Variants in KIF16B observed in about 807,000 individuals in gnomAD.
The protein encoded by KIF16B is kinesin-like protein KIF16B.
A neutral mutation model predicts 156.3 loss-of-function variants in KIF16B; 98 were observed. That is an observed-to-expected ratio of 0.63 (90% CI 0.53 to 0.74). The LOEUF (loss-of-function observed/expected upper bound fraction) is 0.74. Ranked by LOEUF, KIF16B falls within the 30% of genes least tolerant of loss-of-function variation. The pLI is 0.00. For missense variants in KIF16B, 1,421 were observed against 1,606.5 expected (o/e 0.88, Z 1.97); for synonymous variants, 564 against 583.7 (o/e 0.97, Z 0.49).
chr20:16,568,310 T>C (rs1422447207), intron 1 of KIF16B, among the ~76,000 whole-genome samples: 1 of 152,124 alleles, frequency 6.6e-6, no homozygotes, highest in African/African-American at 2.4e-5. Context: ...TTATACAACA[T>C]AGCTATAAAG....
chr20:16,374,928 T>G (rs2064910388), intron 19 of KIF16B, among the ~76,000 whole-genome samples: 1 of 152,102 alleles, frequency 6.6e-6, no homozygotes, highest in Admixed American at 6.5e-5. Flanking sequence ...ATTATCTAAG[T>G]GCAGAAAGCA....
At chr20:16,482,372 C>T (rs539084652) in intron 12 of KIF16B, among the ~76,000 whole-genome samples, 5 of 152,024 alleles carry the variant, frequency 3.3e-5, no homozygotes, top group Admixed American at 6.5e-5. Flanking sequence ...GTGATACAAA[C>T]GGAGGGCAAG....
intron 1 of KIF16B, among the ~76,000 whole-genome samples, chr20:16,547,353 T>C (rs1318700998): frequency 6.6e-6 from 1 of 152,126 alleles, no homozygotes; most frequent in East Asian, 1.9e-4. Flanking sequence ...TGGCCCACAA[T>C]CACCCCACAT....
chr20:16,276,736 C>G (rs986486821), intron 25 of KIF16B, among the ~76,000 whole-genome samples: 3 of 152,176 alleles, frequency 2.0e-5, no homozygotes, highest in Non-Finnish European at 4.4e-5. Context: ...CAAGACAGAA[C>G]TAGAATTCTA....
chr20:16,330,539 T>C (rs946890420), intron 24 of KIF16B, among the ~76,000 whole-genome samples: 3 of 152,178 alleles, frequency 2.0e-5, no homozygotes, highest in Admixed American at 6.5e-5. Context: ...AGAAGACATA[T>C]AGGTATGTTC....
intron 17 of KIF16B, among the ~76,000 whole-genome samples, chr20:16,394,679 T>A (rs910930530): frequency 6.6e-6 from 1 of 151,480 alleles, no homozygotes; most frequent in African/African-American, 2.4e-5. Context: ...ACCAGCAACA[T>A]AAATACTGCC....
chr20:16,477,336 TA>T (rs1216207271), intron 12 of KIF16B, among the ~76,000 whole-genome samples: 5 of 148,502 alleles, frequency 3.4e-5, no homozygotes, highest in Admixed American at 6.8e-5. Context: ...TTGCTTTAGT[TA>T]TTTAAGCCAC....
At chr20:16,528,256 C>T (rs1008410750) in intron 2 of KIF16B, 115 bp downstream of exon 2, 15 of 755,162 alleles carry the variant, frequency 2.0e-5, no homozygotes, top group Admixed American at 1.6e-4. Flanking sequence ...TGGCTAACTG[C>T]ACTGGAAAGG....
intron 25 of KIF16B, among the ~76,000 whole-genome samples, chr20:16,280,841 C>CGCGTGTGTGTGTGTGTGTGTGTGT (rs112026824): frequency 4.8e-4 from 36 of 74,462 alleles, no homozygotes; most frequent in African/African-American, 1.1e-3. Context: ...TGCGCGCGCA[C>CGCGTGTGTGTGTGTGTGTGTGTGT]GTGTGTGTGT....
chr20:16,343,476 T>C (rs930977909), intron 23 of KIF16B, among the ~76,000 whole-genome samples: 6 of 152,176 alleles, frequency 3.9e-5, no homozygotes, highest in Non-Finnish European at 8.8e-5. Flanking sequence ...TCAGCAATAT[T>C]TTTTAAAGCA....
chr20:16,499,496 C>T (rs903181093), intron 10 of KIF16B, among the ~76,000 whole-genome samples: 4 of 152,188 alleles, frequency 2.6e-5, no homozygotes, highest in Non-Finnish European at 5.9e-5. Context: ...TAGCATGTTA[C>T]TACAATGCAT....
intron 12 of KIF16B, among the ~76,000 whole-genome samples, chr20:16,483,764 G>A (rs1012432317): frequency 6.6e-6 from 1 of 152,090 alleles, no homozygotes; most frequent in Non-Finnish European, 1.5e-5. Context: ...AAAGTCACTA[G>A]TCTAGGCAAG....
At chr20:16,298,153 G>A (rs1413528308) in intron 25 of KIF16B, among the ~76,000 whole-genome samples, 1 of 152,184 alleles carries the variant, frequency 6.6e-6, no homozygotes. Context: ...TGGTGAATCA[G>A]AATATACTGG....
At chr20:16,396,165 C>T (rs942099599) in intron 17 of KIF16B, among the ~76,000 whole-genome samples, 8 of 152,092 alleles carry the variant, frequency 5.3e-5, no homozygotes, top group Non-Finnish European at 1.0e-4. Flanking sequence ...TACCAGCATT[C>T]GATTTGCATA....
intron 1 of KIF16B, among the ~76,000 whole-genome samples, chr20:16,548,484 C>A (rs1011969783): frequency 4.6e-5 from 7 of 152,224 alleles, no homozygotes; most frequent in Non-Finnish European, 1.0e-4. Flanking sequence ...GCGAGCATTA[C>A]TGCCTGAGCT....
intron 15 of KIF16B, among the ~76,000 whole-genome samples, chr20:16,426,097 C>T (rs2066343866): frequency 6.6e-6 from 1 of 152,150 alleles, no homozygotes; most frequent in African/African-American, 2.4e-5. Context: ...TCACCTCCCA[C>T]CAGGTCCCTC....
chr20:16,342,466 A>G (rs537555479), intron 23 of KIF16B, among the ~76,000 whole-genome samples: 1 of 152,306 alleles, frequency 6.6e-6, no homozygotes, highest in African/African-American at 2.4e-5. Context: ...CTTGACCTCA[A>G]TTGGTAAAAC....
chr20:16,383,808 G>C (rs2065162469), intron 17 of KIF16B, among the ~76,000 whole-genome samples: 1 of 152,196 alleles, frequency 6.6e-6, no homozygotes, highest in African/African-American at 2.4e-5. Flanking sequence ...GTGAACAAGA[G>C]CTCAGTGTGC....
At chr20:16,312,474 C>T in intron 24 of KIF16B, 56 bp from the exon 25 acceptor site, 1 of 1,243,788 alleles carries the variant, frequency 8.0e-7, no homozygotes, top group Non-Finnish European at 1.2e-6. Flanking sequence ...AATTGTTGGG[C>T]TATTATTAAT....
Sources: gnomAD v4.1 joint callset for allele counts (sites outside exome capture counted in the v4.1 genomes callset) on GRCh38, gnomAD v4.1.1 for gene constraint, MANE v1.5 for transcripts, NCBI Gene and HGNC (gene_info 2026-07-23, HGNC 2026-07-21) for gene names.